Variants in TP63 observed in about 807,000 individuals in gnomAD.
The protein encoded by TP63 is tumor protein p63, also known as tumor protein 63.
In TP63, 17 loss-of-function variants were observed where a neutral mutation model predicts 82.8. The ratio of observed to expected loss-of-function variants is 0.21; its 90% confidence interval spans 0.14 to 0.31. The LOEUF is 0.31. Ranked by LOEUF, TP63 falls within the 10% of genes least tolerant of loss-of-function variation. The probability of loss-of-function intolerance (pLI) is 1.00; values close to 1 mark genes in which losing one functional copy is unlikely to be tolerated. For synonymous variants in TP63, 330 were observed against 321.7 expected, an observed-to-expected ratio of 1.03 and a Z score of -0.28; for missense variants, 648 against 895.3, an observed-to-expected ratio of 0.72 and a Z score of 3.52.
At chr3:189,875,627 T>TATATATAA (rs1719110050) in intron 10 of TP63, among the ~76,000 whole-genome samples, 2 of 108,992 alleles carry the variant, frequency 1.8e-5, no homozygotes, top group Non-Finnish European at 4.1e-5. Flanking sequence ...TATATATATA[T>TATATATAA]ATATATATAT....
In TP63 at chr3:189,866,806, C is replaced by CA. The variant is rs1398828604; in HGVS notation, c.882+15dup. On this transcript the variant is annotated intron_variant, in intron 6 of 13. Transcript: ENST00000264731. ...CTTATGAGCCACCCCAGGTAAAAAG[C>CA]AAAAAACCAAACCAAAAAACAACAC... 1.9e-6 allele frequency: 3 copies of CA among 1,612,710 alleles called. No individual in the cohort carries two copies. The highest frequency in any genetic ancestry group is 1.3e-5 in the African/African-American group (1 of 74,926).
chr3:189,733,693 A>C (rs1156526951), intron 1 of TP63, among the ~76,000 whole-genome samples: 1 of 152,226 alleles, frequency 6.6e-6, no homozygotes, highest in Non-Finnish European at 1.5e-5. Flanking sequence ...GTTTTATCTG[A>C]AGACAAATTT....
intron 4 of TP63, among the ~76,000 whole-genome samples, chr3:189,819,471 T>A (rs1020271088): frequency 1.1e-4 from 17 of 151,962 alleles, no homozygotes; most frequent in African/African-American, 3.9e-4. Flanking sequence ...CAGTCCCCAG[T>A]GTGTGATGTT....
chr3:189,842,108 A>T (rs1287660543), intron 4 of TP63, among the ~76,000 whole-genome samples: 1 of 152,108 alleles, frequency 6.6e-6, no homozygotes, highest in Non-Finnish European at 1.5e-5. Context: ...TAGGGGGAGG[A>T]TAATGTTTTC....
chr3:189,770,063 G>A (rs1723221131), intron 3 of TP63, among the ~76,000 whole-genome samples: 1 of 152,120 alleles, frequency 6.6e-6, no homozygotes, highest in Admixed American at 6.6e-5. Flanking sequence ...TTCATTTTTA[G>A]CAAATGTTTG....
rs537251230 is a variant in TP63, at chr3:189,691,966, C to A, written c.63-45774C>A. Among the ~76,000 whole-genome samples the A allele has an allele frequency of 9.2e-5, 14 of 152,316 alleles. No individual in the cohort carries two copies. The South Asian group carries it at 2.7e-3, about 29-fold the overall frequency. On this transcript the variant is annotated intron_variant, in intron 1 of 13. Transcript: ENST00000264731. ...AAGATCAAGCTTGTTAATGTCAGGA[C>A]TGAAATACAGATTTCTTCATCATTT...
At chr3:189,770,302 G>C (rs545179979) in intron 3 of TP63, among the ~76,000 whole-genome samples, 6 of 152,106 alleles carry the variant, frequency 3.9e-5, no homozygotes, top group African/African-American at 1.2e-4. Flanking sequence ...TTTTGGGCCG[G>C]GTATGGTGAC....
rs543228217 is a variant in TP63, at chr3:189,800,158, G to T, written c.325-8114G>T. On this transcript the variant is annotated intron_variant, in intron 3 of 13. Transcript: ENST00000264731. ...CTGGGAGATGACATCTGAGCTAAAG[G>T]TTGAACAAGGAATTGGAAAACAGCT... Among the ~76,000 whole-genome samples the T allele has an allele frequency of 2.3e-4, 35 of 152,216 alleles. 1 individual carries two copies. The South Asian group carries it at 3.9e-3, about 17-fold the overall frequency.
Position 189,650,806 on chromosome 3 carries a change from G to A in TP63, c.62+19229G>A, listed in dbSNP as rs796098954. 2.4e-4 allele frequency among the ~76,000 whole-genome samples: 36 copies of A among 147,560 alleles called. 5 individuals carry two copies. Among genetic ancestry groups the A allele is most frequent in the African/African-American group, 8.9e-4 (35 of 39,516 alleles). On this transcript the variant is annotated intron_variant, in intron 1 of 13. Coordinates refer to ENST00000264731, the MANE Select transcript of TP63 (RefSeq NM_003722.5). ...TTAGGATAGCCAAAAATGTGGAAGC[G>A]ACTTTGGAGCTGGGTAACAGGCAGA...
chr3:189,772,323 T>G lies in TP63; in HGVS notation c.324+33549T>G, dbSNP rs554496451. Among the ~76,000 whole-genome samples the G allele has an allele frequency of 6.9e-4, 105 of 152,318 alleles. 2 individuals carry two copies. Among genetic ancestry groups the G allele is most frequent in the Non-Finnish European group, 6.0e-4 (41 of 68,022 alleles). ...GACACTGAAGCTCCTAGAAGTGAAG[T>G]GATAAGCCTTAGATCGCATTGCTAA... On this transcript the variant is annotated intron_variant, in intron 3 of 13. Transcript: ENST00000264731.
At position 189,896,244 on chromosome 3, in the gene TP63, G is replaced by C. The variant is rs1231745818; in HGVS notation, c.*1742G>C. 1 of 220,112 alleles carries C rather than the reference G, an allele frequency of 4.5e-6. No homozygotes were observed. The highest frequency in any genetic ancestry group is 9.1e-6 in the Non-Finnish European group (1 of 109,712). 13.6% of individuals were successfully genotyped at this position (220,112 alleles called of 1,614,324 possible). A position where few individuals can be genotyped will look rare whatever the true frequency, so the allele number is the denominator to read the frequency against. On this transcript the variant is annotated 3_prime_UTR_variant, in exon 14 of 14. Transcript: ENST00000264731. ...AATGTGTGGATTGCCTCTGAAAAGTGTGTATATATTTTGTGTGAAATTGCA... is the reference window on the plus strand; with the variant it reads ...AATGTGTGGATTGCCTCTGAAAAGTCTGTATATATTTTGTGTGAAATTGCA...
chr3:189,841,797 T>C (rs988394788), intron 4 of TP63, among the ~76,000 whole-genome samples: 1 of 152,194 alleles, frequency 6.6e-6, no homozygotes, highest in African/African-American at 2.4e-5. Flanking sequence ...TGTGGAAGCA[T>C]AGACAATAAC....
At chr3:189,634,284 AAGAAC>A (rs1358351341) in intron 1 of TP63, among the ~76,000 whole-genome samples, 1 of 152,098 alleles carries the variant, frequency 6.6e-6, no homozygotes, top group Non-Finnish European at 1.5e-5. Context: ...TTTTTAAAGA[AAGAAC>A]AGGATATCTT....
chr3:189,711,073 G>A (rs1218171775), intron 1 of TP63, among the ~76,000 whole-genome samples: 1 of 152,164 alleles, frequency 6.6e-6, no homozygotes, highest in African/African-American at 2.4e-5. Flanking sequence ...ATTGGTTACA[G>A]TGCCCATGTC....
chr3:189,748,570 C>T (rs1383137694), intron 3 of TP63, among the ~76,000 whole-genome samples: 3 of 143,054 alleles, frequency 2.1e-5, no homozygotes, highest in African/African-American at 7.7e-5. Flanking sequence ...ACATTCTATG[C>T]TCATGGATTG....
chr3:189,878,638 A>G (rs1252957922), intron 10 of TP63, among the ~76,000 whole-genome samples: 1 of 148,786 alleles, frequency 6.7e-6, no homozygotes, highest in East Asian at 2.0e-4. Flanking sequence ...CATGTTGGCC[A>G]GGCTGGTCTC....
intron 1 of TP63, among the ~76,000 whole-genome samples, chr3:189,689,197 C>A (rs1384458978): frequency 7.5e-6 from 1 of 133,348 alleles, no homozygotes; most frequent in African/African-American, 2.8e-5. Context: ...TTCACTGCAA[C>A]CTCCGTTTCC....
At chr3:189,867,394 G>A (rs1483470470) in intron 6 of TP63, among the ~76,000 whole-genome samples, 1 of 152,132 alleles carries the variant, frequency 6.6e-6, no homozygotes, top group Non-Finnish European at 1.5e-5. Flanking sequence ...AACATTTTGA[G>A]CTCTAAGATG....
rs111729325 is a variant in TP63 at position 189,757,871 on chromosome 3, A to T, written c.324+19097A>T. ...CCAGGGAAAGGCAGTCTCCCGATAGATAGAAAAAAAACCTTAAACTAGTGA... is the reference window on the plus strand; with the variant it reads ...CCAGGGAAAGGCAGTCTCCCGATAGTTAGAAAAAAAACCTTAAACTAGTGA... On this transcript the variant is annotated intron_variant, in intron 3 of 13. Transcript: ENST00000264731. 5.9e-3 allele frequency among the ~76,000 whole-genome samples: 892 copies of T among 152,204 alleles called. 8 individuals are homozygous for T. Among genetic ancestry groups the T allele is most frequent in the Middle Eastern group, 0.027 (8 of 294 alleles).
Sources: allele counts gnomAD v4.1 joint callset (sites outside exome capture counted in the v4.1 genomes callset), GRCh38; gene constraint gnomAD v4.1.1; transcripts MANE v1.5; gene names NCBI Gene and HGNC (gene_info 2026-07-23, HGNC 2026-07-21).